The following SPTBN4 variants were observed in gnomAD, a reference collection of about 807,000 sequenced individuals.
SPTBN4 encodes spectrin beta, non-erythrocytic 4, also known as spectrin beta chain, non-erythrocytic 4.
In SPTBN4, 96 loss-of-function variants were observed where a neutral mutation model predicts 277.8. That is an observed-to-expected ratio of 0.35 (90% CI 0.29 to 0.41). The LOEUF is 0.41. Among genes scored for constraint, SPTBN4 ranks in the 10% least tolerant of loss-of-function variants. The probability of loss-of-function intolerance (pLI) is 1.00; values close to 1 mark genes in which losing one functional copy is unlikely to be tolerated. For missense variants in SPTBN4, 3,006 were observed against 3,595.7 expected (o/e 0.84, Z 4.19); for synonymous variants, 1,481 against 1,580.3 (o/e 0.94, Z 1.49).
Position 40,519,610 on chromosome 19 carries a change from A to G in SPTBN4, c.3113A>G (p.Gln1038Arg). Residue 1038 changes from glutamine (Q) to arginine (R), a missense_variant, in exon 16 of 36, where the codon CAG becomes CGG. Around this residue, in one of 5 missense-constraint regions of SPTBN4, gnomAD observed 1,759 missense variants for 2,061.5 expected, o/e 0.85. Transcript: ENST00000598249. The surrounding 1 kb of genome is among the most constrained non-coding windows in gnomAD (Gnocchi z 5.7). ...EAALQALEPR[Q>R]AALLEEAALL... ...GCTCTGCAGGCGCTGGAGCCGCGCC[A>G]GGCGGCCCTTCTGGAGGAGGCAGCC... The G allele has an allele frequency of 6.9e-7, 1 of 1,453,912 alleles. No homozygotes were observed. Among genetic ancestry groups the G allele is most frequent in the Non-Finnish European group, 9.0e-7 (1 of 1,114,780 alleles). The allele number at this position is 1,453,912 out of a possible 1,614,324, so 90.1% of individuals were successfully genotyped here. A position where few individuals can be genotyped will look rare whatever the true frequency, so the allele number is the denominator to read the frequency against.
intron 14 of SPTBN4, among the ~76,000 whole-genome samples, chr19:40,514,104 A>C (rs535317599): frequency 1.2e-4 from 18 of 152,338 alleles, no homozygotes; most frequent in Non-Finnish European, 7.3e-5. Context: ...TGACTTAGCA[A>C]TGAGTTGTTC....
chr19:40,537,897 C>G (rs2080756452), intron 20 of SPTBN4, among the ~76,000 whole-genome samples: 1 of 152,192 alleles, frequency 6.6e-6, no homozygotes, highest in Non-Finnish European at 1.5e-5. Context: ...GAAACAGAAG[C>G]AGGCTCACCT....
chr19:40,534,004 C>CTCTCCCACACTTCTCTGAT, intron 19 of SPTBN4, 76 bp from the exon 20 acceptor site: 1 of 1,484,374 alleles, frequency 6.7e-7, no homozygotes, highest in Non-Finnish European at 9.0e-7. Flanking sequence ...TGTCCTGTCA[C>CTCTCCCACACTTCTCTGAT]TCTCCCACAC....
intron 1 of SPTBN4, among the ~76,000 whole-genome samples, chr19:40,469,439 GTTT>G (rs1292743596): frequency 1.3e-5 from 2 of 150,236 alleles, no homozygotes; most frequent in Non-Finnish European, 3.0e-5. Flanking sequence ...TAATTTTTGT[GTTT>G]TTAGTAGAGA....
intron 22 of SPTBN4, among the ~76,000 whole-genome samples, chr19:40,550,557 T>C (rs1454553942): frequency 6.6e-6 from 1 of 151,574 alleles, no homozygotes; most frequent in Non-Finnish European, 1.5e-5. Context: ...GGCTGGAGTT[T>C]AGTGGCACAA....
chr19:40,554,673 G>A lies in SPTBN4; in HGVS notation c.5084+27G>A, dbSNP rs377638442. The A allele has an allele frequency of 1.7e-5, 27 of 1,594,010 alleles. 1 individual carries two copies. The African/African-American group carries it at 3.2e-4, about 19-fold the overall frequency. On this transcript the variant is annotated intron_variant, in intron 24 of 35. Coordinates refer to ENST00000598249, the MANE Select transcript of SPTBN4 (RefSeq NM_020971.3). This position sits in a 1 kb window ranked among gnomAD's most constrained non-coding sequence, Gnocchi z 5.7. Reference sequence around the variant, plus strand: ...TGGGCGGGCGCGTGGCCAGTTCACAGGAATGGTCCAGCAGGACCTGAAGCT... The same window carrying A: ...TGGGCGGGCGCGTGGCCAGTTCACAAGAATGGTCCAGCAGGACCTGAAGCT...
chr19:40,560,011 C>T lies in SPTBN4; in HGVS notation c.5671-148C>T. ...GAATGCGGGTAAGTCAAAGAGAAAT[C>T]AGGCAGCAGATATGACAGGAGCCTG... is the stretch of plus-strand genomic sequence containing the variant. On this transcript the variant is annotated intron_variant, in intron 26 of 35. Transcript: ENST00000598249. The surrounding 1 kb of genome is among the most constrained non-coding windows in gnomAD (Gnocchi z 5.2). 2 of 1,423,372 alleles carry T rather than the reference C, an allele frequency of 1.4e-6. No homozygotes were observed. The highest frequency in any genetic ancestry group is 1.8e-6 in the Non-Finnish European group (2 of 1,091,024). 88.2% of individuals were successfully genotyped at this position (1,423,372 alleles called of 1,614,324 possible).
At chr19:40,567,486 T>C (rs892054147) in intron 30 of SPTBN4, among the ~76,000 whole-genome samples, 177 bp from the exon 31 acceptor site, 7 of 152,200 alleles carry the variant, frequency 4.6e-5, no homozygotes, top group South Asian at 2.1e-4. Context: ...CCGGAGAGAA[T>C]AGGCTTTAAG....
At chr19:40,559,908 A>G (rs930144044) in intron 26 of SPTBN4, among the ~76,000 whole-genome samples, 1 of 152,264 alleles carries the variant, frequency 6.6e-6, no homozygotes, top group African/African-American at 2.4e-5. Context: ...GGCAGACCCA[A>G]TAGAAATAAA....
At position 40,554,880 on chromosome 19, in the gene SPTBN4, G is replaced by T; in HGVS notation, c.5084+234G>T. ...ATTTGAGTGTAGTAGTGGGGACCTT[G>T]TCGGGGGAGAAAAGAGTAGGCGATG... On this transcript the variant is annotated intron_variant, in intron 24 of 35. Coordinates refer to ENST00000598249, the MANE Select transcript of SPTBN4 (RefSeq NM_020971.3). This position sits in a 1 kb window ranked among gnomAD's most constrained non-coding sequence, Gnocchi z 5.7. 1 of 537,194 alleles carries T rather than the reference G, an allele frequency of 1.9e-6. No individual in the cohort carries two copies. The highest frequency in any genetic ancestry group is 3.3e-6 in the Non-Finnish European group (1 of 306,424). 33.3% of individuals were successfully genotyped at this position (537,194 alleles called of 1,614,324 possible). A position where few individuals can be genotyped will look rare whatever the true frequency, so the allele number is the denominator to read the frequency against.
In SPTBN4 at chr19:40,570,688, C is replaced by A; in HGVS notation, c.7279C>A (p.Arg2427Ser). Residue 2427 changes from arginine (R) to serine (S), a missense_variant, in exon 33 of 36, where the codon CGC becomes AGC. Arg to Ser is a moderately radical substitution (Grantham distance 110). Around this residue, in one of 5 missense-constraint regions of SPTBN4, gnomAD observed 630 missense variants for 677.6 expected, o/e 0.93. Transcript: ENST00000598249. ...HTVQHEGFLL[R>S]KRELDANRKS... ...AGTGCAGCACGAGGGCTTCCTACTG[C>A]GCAAGCGCGAGCTCGACGCTAACCG... is the stretch of plus-strand genomic sequence containing the variant. 1 of 1,607,246 alleles carries A rather than the reference C, an allele frequency of 6.2e-7. No homozygotes were observed. Among genetic ancestry groups the A allele is most frequent in the South Asian group, 1.1e-5 (1 of 90,246 alleles).
At position 40,554,613 on chromosome 19, in the gene SPTBN4, G is replaced by T. The variant is rs773775430; in HGVS notation, c.5051G>T (p.Cys1684Phe). The change falls in exon 24 of 36, where the codon TGC becomes TTC. Residue 1684 changes from cysteine to phenylalanine, a missense_variant. By Grantham distance (205) the Cys-to-Phe change is radical. Coordinates refer to ENST00000598249, the MANE Select transcript of SPTBN4 (RefSeq NM_020971.3). The surrounding 1 kb of genome is among the most constrained non-coding windows in gnomAD (Gnocchi z 5.7). The part of the protein sequence containing the change: ...EESIAQLSRQ[C>F]RALLEMGHPD... ...AGCATCGCGCAGCTGTCGCGCCAGT[G>T]CCGGGCGCTGCTGGAGATGGGGCAC... 1 of 1,575,470 alleles carries T rather than the reference G, an allele frequency of 6.3e-7. No homozygotes were observed. The highest frequency in any genetic ancestry group is 1.2e-5 in the South Asian group (1 of 85,340).
chr19:40,569,183 T>C (rs1356707389), intron 31 of SPTBN4, among the ~76,000 whole-genome samples: 1 of 152,058 alleles, frequency 6.6e-6, no homozygotes, highest in Non-Finnish European at 1.5e-5. Flanking sequence ...CTCAGCACTT[T>C]GGGAGGTTGA....
Position 40,515,572 on chromosome 19 carries a change from A to T in SPTBN4, c.2903+124A>T. On this transcript the variant is annotated intron_variant, in intron 15 of 35. Coordinates refer to ENST00000598249, the MANE Select transcript of SPTBN4 (RefSeq NM_020971.3). The surrounding 1 kb of genome is among the most constrained non-coding windows in gnomAD (Gnocchi z 4.1). The stretch of plus-strand genomic sequence containing the variant: ...AATGGCCACCCGATAAATCAACAAA[A>T]TGTTGACCAAAAATCATAATCCCTG... 8.5e-7 allele frequency: 1 copy of T among 1,175,078 alleles called. No individual in the cohort carries two copies. The highest frequency in any genetic ancestry group is 1.1e-6 in the Non-Finnish European group (1 of 881,944). 72.8% of individuals were successfully genotyped at this position (1,175,078 alleles called of 1,614,324 possible).
intron 17 of SPTBN4, 38 bp downstream of exon 17, chr19:40,523,677 A>G (rs1389381995): frequency 1.3e-6 from 2 of 1,563,556 alleles, no homozygotes; most frequent in African/African-American, 2.7e-5. Context: ...GGGAGGGGGC[A>G]GAAGATGGGG....
At chr19:40,565,900 T>C (rs1347227862) in intron 29 of SPTBN4, among the ~76,000 whole-genome samples, 155 bp downstream of exon 29, 1 of 151,998 alleles carries the variant, frequency 6.6e-6, no homozygotes, top group Non-Finnish European at 1.5e-5. Context: ...ACAAGGGGGC[T>C]GCCTTGCCAT....
chr19:40,566,051 C>A, intron 29 of SPTBN4, 112 bp from the exon 30 acceptor site: 1 of 1,173,442 alleles, frequency 8.5e-7, no homozygotes, highest in African/African-American at 1.6e-5. Context: ...CCAGGATGGT[C>A]AGGGCTCGGG....
intron 17 of SPTBN4, among the ~76,000 whole-genome samples, chr19:40,524,257 CA>C (rs2080563401): frequency 1.3e-5 from 2 of 151,966 alleles, no homozygotes; most frequent in African/African-American, 4.8e-5. Context: ...GTAATCCCAG[CA>C]CTTCGGTAGG....
intron 2 of SPTBN4, among the ~76,000 whole-genome samples, chr19:40,475,246 G>A (rs1167580857): frequency 6.6e-6 from 1 of 152,024 alleles, no homozygotes; most frequent in Non-Finnish European, 1.5e-5. Flanking sequence ...ATAATCATAA[G>A]CCTTTAAAAC....
Sources: allele counts gnomAD v4.1 joint callset (sites outside exome capture counted in the v4.1 genomes callset), GRCh38; gene constraint gnomAD v4.1.1; regional missense constraint gnomAD v4.1.1; non-coding constraint Gnocchi (gnomAD v3.1); transcripts MANE v1.5; gene names NCBI Gene and HGNC (gene_info 2026-07-23, HGNC 2026-07-21).